PCDHGA12: variants seen among roughly 807,000 people sequenced by gnomAD.
The protein encoded by PCDHGA12 is protocadherin gamma-A12.
Under a neutral mutation model 61.1 loss-of-function variants are expected in PCDHGA12, and 43 were observed. That is an observed-to-expected ratio of 0.70 (90% CI 0.55 to 0.91). PCDHGA12 has a LOEUF of 0.91. Among genes scored for constraint, PCDHGA12 ranks in the 40% least tolerant of loss-of-function variants. PCDHGA12 has a pLI of 0.00. For missense variants in PCDHGA12, 1,236 were observed against 1,227.7 expected, an observed-to-expected ratio of 1.01 and a Z score of -0.10; for synonymous variants, 520 against 542.9, an observed-to-expected ratio of 0.96 and a Z score of 0.59.
chr5:141,431,828 C>T lies in PCDHGA12; in HGVS notation c.1069C>T (p.Pro357Ser). The T allele has an allele frequency of 6.2e-7, 1 of 1,610,208 alleles. No individual in the cohort carries two copies. Among genetic ancestry groups the T allele is most frequent in the Non-Finnish European group, 8.5e-7 (1 of 1,176,374 alleles). The change falls in exon 1 of 4, where the codon CCC (proline) becomes TCC (serine). Residue 357 changes from proline to serine, a missense_variant. Transcript: ENST00000252085. This position sits in a 1 kb window ranked among gnomAD's most constrained non-coding sequence, Gnocchi z 4.8. Reference sequence around the variant, plus strand: ...CCTCACCTCTCTCGCCAGCTCGGTTCCCGAAAACTCTCCCAGAGGGACATT... The same window carrying T: ...CCTCACCTCTCTCGCCAGCTCGGTTTCCGAAAACTCTCCCAGAGGGACATT... ...VVLTSLASSV[P>S]ENSPRGTLIA...
chr5:141,465,858 C>T (rs2099110865), intron 1 of PCDHGA12, among the ~76,000 whole-genome samples: 1 of 152,034 alleles, frequency 6.6e-6, no homozygotes, highest in African/African-American at 2.4e-5. Context: ...CCCAGTGGCT[C>T]ATGCCTGTAA....
chr5:141,466,746 T>C (rs1035272591), intron 1 of PCDHGA12, among the ~76,000 whole-genome samples: 1 of 152,224 alleles, frequency 6.6e-6, no homozygotes, highest in African/African-American at 2.4e-5. Context: ...GTTACTCTGA[T>C]AGGGGCTCTT....
intron 1 of PCDHGA12, among the ~76,000 whole-genome samples, chr5:141,465,031 C>T (rs933448980): frequency 1.3e-5 from 2 of 151,958 alleles, no homozygotes; most frequent in Non-Finnish European, 1.5e-5. Context: ...CATGAACCAC[C>T]ACAAATGACC....
At chr5:141,494,979 T>C in intron 2 of PCDHGA12, 114 bp downstream of exon 2, 1 of 1,571,464 alleles carries the variant, frequency 6.4e-7, no homozygotes, top group Admixed American at 1.8e-5. Flanking sequence ...TCCCTCAGTT[T>C]GAGATCCCAG....
Position 141,477,337 on chromosome 5 carries a change from C to T in PCDHGA12, c.2425-17470C>T. ...TTACTTCTTCCCTCAAGAATTACTT[C>T]ACTTTGAAAACCAGTGCAGACCTGG... On this transcript the variant is annotated intron_variant, in intron 1 of 3. Transcript: ENST00000252085. The surrounding 1 kb of genome is among the most constrained non-coding windows in gnomAD (Gnocchi z 4.9). The T allele has an allele frequency of 1.2e-6, 2 of 1,614,166 alleles. No individual in the cohort carries two copies. Among genetic ancestry groups the T allele is most frequent in the Non-Finnish European group, 1.7e-6 (2 of 1,180,028 alleles).
At chr5:141,484,912 T>G (rs1594427765) in intron 1 of PCDHGA12, 1 of 437,066 alleles carries the variant, frequency 2.3e-6, no homozygotes, top group East Asian at 4.0e-5. Flanking sequence ...TGCGACGCAT[T>G]AACCCTGCTG....
At chr5:141,508,440 T>C (rs2099868879) in intron 3 of PCDHGA12, among the ~76,000 whole-genome samples, 1 of 152,186 alleles carries the variant, frequency 6.6e-6, no homozygotes, top group African/African-American at 2.4e-5. Context: ...CACAGTTCCT[T>C]AGTGGCAGAG....
intron 1 of PCDHGA12, among the ~76,000 whole-genome samples, chr5:141,472,242 A>T (rs1342571385): frequency 6.6e-6 from 1 of 152,186 alleles, no homozygotes; most frequent in East Asian, 1.9e-4. Flanking sequence ...TTCACTTTCT[A>T]TTTTAAAGTT....
Position 141,511,159 on chromosome 5 carries a change from AAGG to A in PCDHGA12, c.2788_2790del (p.Glu930del), listed in dbSNP as rs1477173987. 3 of 1,614,186 alleles carry A rather than the reference AAGG, an allele frequency of 1.9e-6. No individual in the cohort carries two copies. The highest frequency in any genetic ancestry group is 2.2e-5 in the East Asian group (1 of 44,872). On this transcript the variant is annotated inframe_deletion, in exon 4 of 4. Coordinates refer to ENST00000252085, the MANE Select transcript of PCDHGA12 (RefSeq NM_003735.3). ...TGGCAACAAGAAGAAGTCGGGCAAG[AAGG>A]AGAAGAAGTAACATGGAGGCCAGGC... is the stretch of plus-strand genomic sequence containing the variant.
Position 141,485,943 on chromosome 5 carries a change from C to CG in PCDHGA12, c.2425-8861dup, listed in dbSNP as rs1562109052. ...ATTAGTGTGTTGGAGAGCGCACCAG[C>CG]GGGCATGGTGCTCATCCAGCTCAAT... On this transcript the variant is annotated intron_variant, in intron 1 of 3. Coordinates refer to ENST00000252085, the MANE Select transcript of PCDHGA12 (RefSeq NM_003735.3). The surrounding 1 kb of genome is among the most constrained non-coding windows in gnomAD (Gnocchi z 5.7). The CG allele has an allele frequency of 1.2e-6, 2 of 1,614,126 alleles. No individual in the cohort carries two copies. Among genetic ancestry groups the CG allele is most frequent in the Non-Finnish European group, 1.7e-6 (2 of 1,180,012 alleles).
chr5:141,441,295 A>C (rs952946372), intron 1 of PCDHGA12: 3 of 152,240 alleles, frequency 2.0e-5, no homozygotes, highest in Non-Finnish European at 4.4e-5. Flanking sequence ...CACATGTCTG[A>C]TATAAGAAAA....
At chr5:141,456,336 G>A (rs2098850873) in intron 1 of PCDHGA12, among the ~76,000 whole-genome samples, 1 of 152,242 alleles carries the variant, frequency 6.6e-6, no homozygotes, top group Non-Finnish European at 1.5e-5. Context: ...TGATCTAAGG[G>A]TCCTCGGAAG....
rs3074541 is a variant in PCDHGA12 at position 141,433,358 on chromosome 5, CCTATCTATCTATCTATCTATCTAT to C, written c.2424+200_2424+223del. 6 of 503,934 alleles carry C rather than the reference CCTATCTATCTATCTATCTATCTAT, an allele frequency of 1.2e-5. No homozygotes were observed. In the Admixed American group the frequency reaches 1.5e-4, roughly 12 times the overall value. The allele number at this position is 503,934 out of a possible 1,614,324, so 31.2% of individuals were successfully genotyped here. ...ACAGGTGCAAGCCACCTACTGTCTG[CCTATCTATCTATCTATCTATCTAT>C]CTATCTATCTATCTATCTATCTATT... On this transcript the variant is annotated intron_variant, in intron 1 of 3. Transcript: ENST00000252085.
chr5:141,433,564 G>A (rs1380905062), intron 1 of PCDHGA12, among the ~76,000 whole-genome samples: 1 of 152,042 alleles, frequency 6.6e-6, no homozygotes, highest in Non-Finnish European at 1.5e-5. Flanking sequence ...GGCTGGGCGC[G>A]GTGGCTCACG....
At position 141,477,898 on chromosome 5, in the gene PCDHGA12, A is replaced by C; in HGVS notation, c.2425-16909A>C. The C allele has an allele frequency of 6.2e-7, 1 of 1,614,158 alleles. No individual in the cohort carries two copies. Among genetic ancestry groups the C allele is most frequent in the East Asian group, 2.2e-5 (1 of 44,864 alleles). ...CTGGCCACCTAGTGTCACGGGTGGT[A>C]GGCTGGGACGCGGATGCAGGGCACA... On this transcript the variant is annotated intron_variant, in intron 1 of 3. Transcript: ENST00000252085. This position sits in a 1 kb window ranked among gnomAD's most constrained non-coding sequence, Gnocchi z 4.9.
intron 1 of PCDHGA12, among the ~76,000 whole-genome samples, chr5:141,454,195 T>A (rs1295815862): frequency 1.3e-5 from 2 of 152,136 alleles, no homozygotes; most frequent in Admixed American, 1.3e-4. Flanking sequence ...TTAGTGAAGG[T>A]GAATTTATTG....
Position 141,485,395 on chromosome 5 carries a change from C to T in PCDHGA12, c.2425-9412C>T. On this transcript the variant is annotated intron_variant, in intron 1 of 3. Coordinates refer to ENST00000252085, the MANE Select transcript of PCDHGA12 (RefSeq NM_003735.3). The surrounding 1 kb of genome is among the most constrained non-coding windows in gnomAD (Gnocchi z 5.7). Reference sequence around the variant, plus strand: ...TCGCTGGAGAGGTGAACCAAAGACACTTCCGTGTGGATTTGGACAGCGGAG... The same window carrying T: ...TCGCTGGAGAGGTGAACCAAAGACATTTCCGTGTGGATTTGGACAGCGGAG... 5 of 1,614,154 alleles carry T rather than the reference C, an allele frequency of 3.1e-6. No homozygotes were observed. Among genetic ancestry groups the T allele is most frequent in the Non-Finnish European group, 3.4e-6 (4 of 1,180,026 alleles).
intron 1 of PCDHGA12, among the ~76,000 whole-genome samples, chr5:141,482,652 G>C (rs1276348234): frequency 6.6e-6 from 1 of 152,074 alleles, no homozygotes; most frequent in African/African-American, 2.4e-5. Flanking sequence ...GGTGATGCTT[G>C]AGCTATGATC....
At position 141,490,341 on chromosome 5, in the gene PCDHGA12, A is replaced by C. The variant is rs778299384; in HGVS notation, c.2425-4466A>C. ...TCCTAGAGAGCACACCAGTGGGCACAGTAGTGGGGTTGTTTAATGTGCGAG... is the reference window on the plus strand; with the variant it reads ...TCCTAGAGAGCACACCAGTGGGCACCGTAGTGGGGTTGTTTAATGTGCGAG... On this transcript the variant is annotated intron_variant, in intron 1 of 3. Coordinates refer to ENST00000252085, the MANE Select transcript of PCDHGA12 (RefSeq NM_003735.3). This position sits in a 1 kb window ranked among gnomAD's most constrained non-coding sequence, Gnocchi z 5.4. The C allele has an allele frequency of 5.0e-6, 8 of 1,614,204 alleles. No homozygotes were observed. The South Asian group carries it at 8.8e-5, about 18-fold the overall frequency.
Sources: allele counts gnomAD v4.1 joint callset (sites outside exome capture counted in the v4.1 genomes callset), GRCh38; gene constraint gnomAD v4.1.1; non-coding constraint Gnocchi (gnomAD v3.1); transcripts MANE v1.5; gene names NCBI Gene and HGNC (gene_info 2026-07-23, HGNC 2026-07-21).